PIK3C2G: variants seen among roughly 807,000 people sequenced by gnomAD.
The protein encoded by PIK3C2G is phosphatidylinositol-4-phosphate 3-kinase catalytic subunit type 2 gamma.
PIK3C2G carries 168 observed loss-of-function variants against 181.1 expected under a neutral mutation model. The ratio of observed to expected loss-of-function variants is 0.93; its 90% CI spans 0.82 to 1.05. The LOEUF is 1.05. Ranked by LOEUF, PIK3C2G falls within the 50% of genes least tolerant of loss-of-function variation. PIK3C2G has a pLI of 0.00. For missense variants in PIK3C2G, 1,869 were observed against 1,732.8 expected, an observed-to-expected ratio of 1.08 and a Z score of -1.40; for synonymous variants, 573 against 592.2, an observed-to-expected ratio of 0.97 and a Z score of 0.47.
chr12:18,671,299 C>A, the PIK3C2G span, among the ~76,000 whole-genome samples: 1 of 151,712 alleles, frequency 6.6e-6, no homozygotes, highest in South Asian at 2.1e-4. Context: ...TGCTATGCAC[C>A]ATACAGAGAA....
At chr12:18,596,279 C>A (rs764278352) in intron 30 of PIK3C2G, among the ~76,000 whole-genome samples, 1 of 151,982 alleles carries the variant, frequency 6.6e-6, no homozygotes, top group African/African-American at 2.4e-5. Flanking sequence ...GGTCTCCGAA[C>A]TGCTAAAATT....
At chr12:18,331,980 T>C (rs1389485732) in intron 8 of PIK3C2G, among the ~76,000 whole-genome samples, 1 of 152,174 alleles carries the variant, frequency 6.6e-6, no homozygotes, top group African/African-American at 2.4e-5. Context: ...ATTACTGGTA[T>C]AATTACACTT....
At chr12:18,619,049 C>T (rs912034645) in intron 31 of PIK3C2G, among the ~76,000 whole-genome samples, 2 of 151,030 alleles carry the variant, frequency 1.3e-5, no homozygotes, top group African/African-American at 4.9e-5. Context: ...GAATTGATAG[C>T]CAGAAACTTA....
intron 18 of PIK3C2G, among the ~76,000 whole-genome samples, chr12:18,449,776 T>A (rs1041020795): frequency 1.3e-5 from 2 of 152,200 alleles, no homozygotes; most frequent in East Asian, 3.9e-4. Context: ...TGTGCATGTG[T>A]CTTTATAGCA....
chr12:18,713,416 TA>T, the PIK3C2G span, among the ~76,000 whole-genome samples: 1 of 152,188 alleles, frequency 6.6e-6, no homozygotes, highest in African/African-American at 2.4e-5. Flanking sequence ...AATATATTAA[TA>T]AAATCTTATC....
intron 26 of PIK3C2G, among the ~76,000 whole-genome samples, chr12:18,553,543 G>T (rs921789943): frequency 1.3e-5 from 2 of 152,056 alleles, no homozygotes; most frequent in Admixed American, 1.3e-4. Context: ...TGACATTTAC[G>T]TAAGACTAGC....
chr12:18,503,614 G>A (rs1941644432), intron 23 of PIK3C2G, among the ~76,000 whole-genome samples, 197 bp downstream of exon 23: 2 of 152,078 alleles, frequency 1.3e-5, no homozygotes, highest in Admixed American at 6.6e-5. Flanking sequence ...TTTAGTTTCT[G>A]GGTGAAATTC....
intron 18 of PIK3C2G, among the ~76,000 whole-genome samples, chr12:18,453,770 A>G (rs1947488560): frequency 6.6e-6 from 1 of 151,586 alleles, no homozygotes; most frequent in African/African-American, 2.4e-5. Flanking sequence ...GCTATCAAAA[A>G]AAAAGTATGC....
intron 18 of PIK3C2G, among the ~76,000 whole-genome samples, chr12:18,434,589 G>A (rs1946346931): frequency 6.6e-6 from 1 of 152,102 alleles, no homozygotes; most frequent in African/African-American, 2.4e-5. Flanking sequence ...ATATTCCGTA[G>A]GCCAGAAGTC....
intron 26 of PIK3C2G, among the ~76,000 whole-genome samples, chr12:18,558,275 G>A (rs1945117522): frequency 6.6e-6 from 1 of 152,068 alleles, no homozygotes; most frequent in African/African-American, 2.4e-5. Context: ...TTAAAAAATT[G>A]TTACATTAAA....
At chr12:18,321,513 G>T (rs2137464509) in intron 7 of PIK3C2G, among the ~76,000 whole-genome samples, 1 of 152,298 alleles carries the variant, frequency 6.6e-6, no homozygotes. Flanking sequence ...CTAAATGTAT[G>T]CATGTATTAT....
the PIK3C2G span, among the ~76,000 whole-genome samples, chr12:18,654,541 C>A: frequency 2.3e-4 from 35 of 152,250 alleles, no homozygotes; most frequent in African/African-American, 8.4e-4. Context: ...GATGAAAACG[C>A]ATCTGTGTCA....
chr12:18,533,794 A>G (rs920534585), intron 24 of PIK3C2G, among the ~76,000 whole-genome samples: 3 of 151,988 alleles, frequency 2.0e-5, no homozygotes, highest in African/African-American at 4.8e-5. Context: ...AACTCTACAT[A>G]TCTTTAGTTC....
At chr12:18,406,943 C>A (rs1327559577) in intron 16 of PIK3C2G, among the ~76,000 whole-genome samples, 1 of 152,082 alleles carries the variant, frequency 6.6e-6, no homozygotes, top group African/African-American at 2.4e-5. Flanking sequence ...TGAGTTATTT[C>A]CAGATTTCAC....
rs35277916 is a variant in PIK3C2G at position 18,282,464 on chromosome 12, GCCC to G, written c.385_387del (p.Pro129del). 0.39 allele frequency: 629,494 copies of G among 1,607,454 alleles called. 126,344 individuals are homozygous for G. Among genetic ancestry groups the G allele is most frequent in the Non-Finnish European group, 0.41 (483,398 of 1,174,490 alleles). On this transcript the variant is annotated inframe_deletion, in exon 2 of 33. Transcript: ENST00000538779. ...ACGAATAAAGAATGCTCCTGGGGAA[GCCC>G]CATAGGAAAACATCATGGTGCTGAT... is the stretch of plus-strand genomic sequence containing the variant.
chr12:18,410,766 T>C (rs1944824917), intron 16 of PIK3C2G, among the ~76,000 whole-genome samples: 1 of 152,172 alleles, frequency 6.6e-6, no homozygotes, highest in Non-Finnish European at 1.5e-5. Flanking sequence ...CAGTGCATCA[T>C]GTTACTTTTA....
At chr12:18,653,057 C>T (rs1034212877), downstream of PIK3C2G, among the ~76,000 whole-genome samples, 3 of 151,910 alleles carry the variant, frequency 2.0e-5, no homozygotes, top group South Asian at 2.1e-4. Context: ...AAAGTCTCCT[C>T]GAAACTTCTG....
chr12:18,395,422 T>C (rs764441481), intron 15 of PIK3C2G, among the ~76,000 whole-genome samples: 5 of 150,312 alleles, frequency 3.3e-5, no homozygotes, highest in Non-Finnish European at 7.4e-5. Flanking sequence ...AGTAAAATTA[T>C]GTTGCAAAAA....
At chr12:18,677,165 T>C in the PIK3C2G span, among the ~76,000 whole-genome samples, 1 of 152,198 alleles carries the variant, frequency 6.6e-6, no homozygotes, top group African/African-American at 2.4e-5. Context: ...GATACTGTCA[T>C]ATTCCAACAG....
Sources: allele counts gnomAD v4.1 joint callset (sites outside exome capture counted in the v4.1 genomes callset), GRCh38; gene constraint gnomAD v4.1.1; transcripts MANE v1.5; gene names NCBI Gene and HGNC (gene_info 2026-07-23, HGNC 2026-07-21).